CSMD1: variants seen among roughly 807,000 people sequenced by gnomAD.
The protein encoded by CSMD1 is CUB and Sushi multiple domains 1.
In CSMD1, 213 loss-of-function variants were observed where a neutral mutation model predicts 417.5. The ratio of observed to expected loss-of-function variants is 0.51; its 90% confidence interval spans 0.46 to 0.57. The LOEUF (loss-of-function observed/expected upper bound fraction) is 0.57. Among genes scored for constraint, CSMD1 ranks in the 20% least tolerant of loss-of-function variants. The pLI is 0.00. For missense variants in CSMD1, 6,923 were observed against 4,529.7 expected, an observed-to-expected ratio of 1.53 and a Z score of -15.17; for synonymous variants, 2,862 against 1,736.8, an observed-to-expected ratio of 1.65 and a Z score of -16.11.
intron 1 of CSMD1, among the ~76,000 whole-genome samples, chr8:4,962,891 A>C (rs549612631): frequency 1.3e-5 from 2 of 152,314 alleles, no homozygotes; most frequent in Admixed American, 1.3e-4. Context: ...TTCCTGTAAA[A>C]AATAAATCTA....
chr8:3,673,905 C>T (rs182584339), intron 7 of CSMD1, among the ~76,000 whole-genome samples: 5 of 152,168 alleles, frequency 3.3e-5, no homozygotes, highest in African/African-American at 1.2e-4. Flanking sequence ...AATGCTTGAG[C>T]TCAGCAGTTT....
chr8:4,769,723 G>C (rs1295215346), intron 1 of CSMD1, among the ~76,000 whole-genome samples: 3 of 152,178 alleles, frequency 2.0e-5, no homozygotes, highest in African/African-American at 4.8e-5. Context: ...ACGAAGTGAA[G>C]TCCAAACCAG....
chr8:3,527,381 G>A lies in CSMD1; in HGVS notation c.1345-33655C>T, dbSNP rs143980992. ...GGTTACATAGTGTATGATTTCGTTT[G>A]TATAACATTCTTGAAATGACAAAAT... On this transcript the variant is annotated intron_variant, in intron 10 of 69. Coordinates refer to ENST00000635120, the MANE Select transcript of CSMD1 (RefSeq NM_033225.6). Among the ~76,000 whole-genome samples, 748 of 152,204 alleles carry A rather than the reference G, an allele frequency of 4.9e-3. 5 individuals carry two copies. Among genetic ancestry groups the A allele is most frequent in the African/African-American group, 0.017 (714 of 41,518 alleles).
intron 51 of CSMD1, among the ~76,000 whole-genome samples, chr8:3,025,044 CTGTATTGTGTGGTGTTATTCTAAAACTG>C (rs1563250918): frequency 9.8e-5 from 13 of 133,266 alleles, no homozygotes; most frequent in African/African-American, 3.5e-4. Flanking sequence ...TTCTGAAACC[CTGTATTGTGTGGTGTTATTCTAAAACTG>C]TGTATTGTGT....
At chr8:3,230,928 G>A (rs544907579) in intron 26 of CSMD1, among the ~76,000 whole-genome samples, 2 of 152,242 alleles carry the variant, frequency 1.3e-5, no homozygotes, top group Middle Eastern at 3.4e-3. Context: ...CTGCAAAGCC[G>A]GCTGGTGCCT....
chr8:4,705,379 G>A (rs1410225454), intron 1 of CSMD1, among the ~76,000 whole-genome samples: 2 of 152,110 alleles, frequency 1.3e-5, no homozygotes, highest in East Asian at 1.9e-4. Flanking sequence ...AGACAACCCA[G>A]CGTCTATCAA....
At chr8:3,715,493 T>A (rs1468867586) in intron 6 of CSMD1, among the ~76,000 whole-genome samples, 1 of 152,198 alleles carries the variant, frequency 6.6e-6, no homozygotes, top group Non-Finnish European at 1.5e-5. Context: ...AAAAATGTGT[T>A]GTTCCATTTC....
intron 7 of CSMD1, among the ~76,000 whole-genome samples, chr8:3,688,729 T>G (rs1407831942): frequency 1.3e-5 from 2 of 152,168 alleles, no homozygotes; most frequent in Non-Finnish European, 2.9e-5. Flanking sequence ...TAAAAAATAT[T>G]TACTTTAAAA....
chr8:4,838,962 A>T (rs61310246), intron 1 of CSMD1, among the ~76,000 whole-genome samples: 23,526 of 152,180 alleles, frequency 0.15, 2,360 homozygotes, highest in African/African-American at 0.28. Flanking sequence ...GCAATTCATA[A>T]TTTTTTTAAA....
At chr8:4,605,463 A>G (rs1800816787) in intron 2 of CSMD1, among the ~76,000 whole-genome samples, 1 of 152,186 alleles carries the variant, frequency 6.6e-6, no homozygotes, top group Non-Finnish European at 1.5e-5. Flanking sequence ...CCTGATTATG[A>G]TGATTCATCT....
rs370798409 is a variant in CSMD1, at chr8:3,359,165, C to G, written c.3291G>C (p.Leu1097=). The G allele has an allele frequency of 2.2e-5, 35 of 1,613,854 alleles. No individual in the cohort carries two copies. The African/African-American group carries it at 4.3e-4, about 20-fold the overall frequency. The part of the protein sequence containing the change: ...GGGRRVWSAP[L]PRCVAECGAS... ...GTGACCACCTACCCACACACCTTGG[C>G]AGAGGTGCACTCCACACACGGCGGC... is the stretch of plus-strand genomic sequence containing the variant. Residue 1097 remains leucine, a synonymous_variant, in exon 21 of 70, where the codon CTG becomes CTC. Coordinates refer to ENST00000635120, the MANE Select transcript of CSMD1 (RefSeq NM_033225.6).
At chr8:4,606,061 G>A (rs1800851521) in intron 2 of CSMD1, among the ~76,000 whole-genome samples, 1 of 152,158 alleles carries the variant, frequency 6.6e-6, no homozygotes, top group Non-Finnish European at 1.5e-5. Context: ...GGAAGCCTGA[G>A]AAGGATGCGG....
intron 2 of CSMD1, among the ~76,000 whole-genome samples, chr8:4,613,295 G>A (rs986191169): frequency 6.6e-6 from 1 of 152,172 alleles, no homozygotes; most frequent in Admixed American, 6.5e-5. Context: ...TGCTCCGAGT[G>A]CCCATTGCAC....
chr8:3,910,604 A>G (rs1246708800), intron 5 of CSMD1, among the ~76,000 whole-genome samples: 4 of 152,216 alleles, frequency 2.6e-5, no homozygotes, highest in South Asian at 2.1e-4. Flanking sequence ...TAACACAGCA[A>G]AAGACAGATG....
intron 3 of CSMD1, among the ~76,000 whole-genome samples, chr8:4,326,115 C>A (rs1043504302): frequency 7.2e-5 from 11 of 152,194 alleles, no homozygotes; most frequent in Admixed American, 2.0e-4. Flanking sequence ...AGCTCAGGGC[C>A]CTACCGTCAG....
At chr8:3,842,527 A>C (rs192729299) in intron 5 of CSMD1, among the ~76,000 whole-genome samples, 8 of 152,310 alleles carry the variant, frequency 5.3e-5, no homozygotes, top group South Asian at 4.1e-4. Flanking sequence ...TTCCAATTGT[A>C]GATCTAGGTC....
At chr8:3,974,798 A>G (rs1563272782) in intron 5 of CSMD1, among the ~76,000 whole-genome samples, 1 of 152,106 alleles carries the variant, frequency 6.6e-6, no homozygotes, top group African/African-American at 2.4e-5. Context: ...TTAATTCACA[A>G]TTTTTTATAA....
At chr8:3,573,497 T>G (rs1800025611) in intron 10 of CSMD1, among the ~76,000 whole-genome samples, 1 of 152,200 alleles carries the variant, frequency 6.6e-6, no homozygotes, top group Admixed American at 6.5e-5. Context: ...CCTCAGTGTT[T>G]CAGAAAGCCT....
intron 1 of CSMD1, among the ~76,000 whole-genome samples, chr8:4,707,745 G>A (rs1249377052): frequency 6.6e-6 from 1 of 151,790 alleles, no homozygotes; most frequent in African/African-American, 2.4e-5. Flanking sequence ...AAATTAGCCG[G>A]GCGTCGTGGC....
Sources: gnomAD v4.1 joint callset for allele counts (sites outside exome capture counted in the v4.1 genomes callset) on GRCh38, gnomAD v4.1.1 for gene constraint, MANE v1.5 for transcripts, NCBI Gene and HGNC (gene_info 2026-07-23, HGNC 2026-07-21) for gene names.